Variants in TATDN2 observed in about 807,000 individuals in gnomAD.
The protein encoded by TATDN2 is 3'-5' RNA nuclease TATDN2.
In TATDN2, 44 loss-of-function variants were observed where a neutral mutation model predicts 60.3. The observed-to-expected ratio is 0.73, with a 90% CI of 0.57 to 0.94. TATDN2 has a LOEUF of 0.94. TATDN2 is among the 40% of genes least tolerant of loss of function. The pLI is 0.00. For missense variants in TATDN2, 997 were observed against 948.0 expected (o/e 1.05, Z -0.68); for synonymous variants, 399 against 355.8 (o/e 1.12, Z -1.37).
chr3:10,259,763 G>T (rs1397276725), intron 2 of TATDN2, among the ~76,000 whole-genome samples: 2 of 152,194 alleles, frequency 1.3e-5, no homozygotes, highest in Non-Finnish European at 2.9e-5. Flanking sequence ...TTTACCCTTA[G>T]ATATGGGATT....
Position 10,248,990 on chromosome 3 carries a change from C to A in TATDN2, c.-84C>A. 2.0e-6 allele frequency: 1 copy of A among 489,190 alleles called. No homozygotes were observed. The highest frequency in any genetic ancestry group is 3.3e-6 in the Non-Finnish European group (1 of 306,262). 30.3% of individuals were successfully genotyped at this position (489,190 alleles called of 1,614,324 possible). On this transcript the variant is annotated 5_prime_UTR_variant, in exon 1 of 8. Transcript: ENST00000448281. ...CGGCAGCCTTTAGTCAATTTTGGAT[C>A]GCTTTGACTTCTCCAACACGGTTTG...
At chr3:10,267,806 G>C (rs935813869) in intron 3 of TATDN2, among the ~76,000 whole-genome samples, 3 of 152,054 alleles carry the variant, frequency 2.0e-5, no homozygotes, top group Admixed American at 6.6e-5. Flanking sequence ...ATGTGTTACT[G>C]TATATGATAA....
Position 10,280,029 on chromosome 3 carries a change from G to C in TATDN2, c.*847G>C, listed in dbSNP as rs1348707741. 3.9e-5 allele frequency: 6 copies of C among 153,976 alleles called. No individual in the cohort carries two copies. The highest frequency in any genetic ancestry group is 4.1e-4 in the South Asian group (2 of 4,824). The allele number at this position is 153,976 out of a possible 1,614,324, so 9.5% of individuals were successfully genotyped here. A position where few individuals can be genotyped will look rare whatever the true frequency, so the allele number is the denominator to read the frequency against. On this transcript the variant is annotated 3_prime_UTR_variant, in exon 8 of 8. Transcript: ENST00000448281. ...ACTACCTGCTAGTCTTGTGTCAGGG[G>C]CTGCCAGCCTCCTTTTGTTTCACTT...
rs554236315 is a variant in TATDN2, at chr3:10,271,934, T to C, written c.1833+919T>C. Among the ~76,000 whole-genome samples, 84 of 151,230 alleles carry C rather than the reference T, an allele frequency of 5.6e-4. 1 individual carries two copies. In the South Asian group the frequency reaches 0.013, roughly 24 times the overall value. On this transcript the variant is annotated intron_variant, in intron 4 of 7. Transcript: ENST00000448281. ...AGTAGAGGTGGGGTTTCACCATGTT[T>C]GTTAGACTAGTCTCGAGCTCCTGAC...
At chr3:10,273,628 G>C (rs1177298679) in intron 4 of TATDN2, among the ~76,000 whole-genome samples, 1 of 151,656 alleles carries the variant, frequency 6.6e-6, no homozygotes, top group Non-Finnish European at 1.5e-5. Flanking sequence ...TGGAAGGTCT[G>C]TATCTGGGCA....
chr3:10,266,992 T>G (rs977384007), intron 3 of TATDN2, among the ~76,000 whole-genome samples: 18 of 147,898 alleles, frequency 1.2e-4, no homozygotes, highest in Non-Finnish European at 1.5e-4. Context: ...GTACAGTGGC[T>G]CACTGCAACT....
At chr3:10,272,691 A>C (rs1482652555) in intron 4 of TATDN2, among the ~76,000 whole-genome samples, 1 of 151,994 alleles carries the variant, frequency 6.6e-6, no homozygotes, top group Non-Finnish European at 1.5e-5. Flanking sequence ...GGAGTTGGAG[A>C]CCAGCCTGGC....
Position 10,278,813 on chromosome 3 carries a change from C to CAGGG in TATDN2, c.2146-65_2146-62dup. Reference sequence around the variant, plus strand: ...AAAGAGGTCCTTGCTGGGGAAGGGACAGGGAGGGAGTTCTAGATTATGACT... The same window carrying CAGGG: ...AAAGAGGTCCTTGCTGGGGAAGGGACAGGGAGGGAGGGAGTTCTAGATTATGACT... On this transcript the variant is annotated intron_variant, in intron 6 of 7. Coordinates refer to ENST00000448281, the MANE Select transcript of TATDN2 (RefSeq NM_014760.4). The surrounding 1 kb of genome is among the most constrained non-coding windows in gnomAD (Gnocchi z 4.7). 1 of 1,608,886 alleles carries CAGGG rather than the reference C, an allele frequency of 6.2e-7. No homozygotes were observed. Among genetic ancestry groups the CAGGG allele is most frequent in the African/African-American group, 1.3e-5 (1 of 74,980 alleles).
At position 10,278,382 on chromosome 3, in the gene TATDN2, G is replaced by C; in HGVS notation, c.2065G>C (p.Glu689Gln). ...AGTGCTGACATACTCCTCTGCCTGG[G>C]AGGCCCGGGAAGCCTTGAGGCAGAT... ...TAVLTYSSAW[E>Q]AREALRQIPL... The change falls in exon 6 of 8, where the codon GAG becomes CAG. Residue 689 changes from glutamate to glutamine, a missense_variant. Transcript: ENST00000448281. The surrounding 1 kb of genome is among the most constrained non-coding windows in gnomAD (Gnocchi z 4.7). 6.2e-7 allele frequency: 1 copy of C among 1,614,206 alleles called. No homozygotes were observed. Among genetic ancestry groups the C allele is most frequent in the Non-Finnish European group, 8.5e-7 (1 of 1,180,018 alleles).
chr3:10,273,100 T>C (rs1698589998), intron 4 of TATDN2, among the ~76,000 whole-genome samples: 2 of 152,130 alleles, frequency 1.3e-5, no homozygotes, highest in Admixed American at 6.6e-5. Context: ...CAAACTGAAC[T>C]AGAAGCGATA....
chr3:10,268,727 C>T (rs1158813765), intron 3 of TATDN2, among the ~76,000 whole-genome samples: 1 of 152,146 alleles, frequency 6.6e-6, no homozygotes, highest in Admixed American at 6.5e-5. Context: ...TAAGTTGAGG[C>T]ACCATTTATT....
chr3:10,278,289 AC>A lies in TATDN2; in HGVS notation c.1974del (p.Gly659AlafsTer10), dbSNP rs1698667021. ...PDYKIHRHCF[T>X]GSYPVIEPLL... The stretch of plus-strand genomic sequence containing the variant: ...GAGTTCTGTCTCCAGGCATTGCTTC[AC>A]CGGCAGCTACCCGGTCATTGAGCCC... On this transcript the variant is annotated frameshift_variant, in exon 6 of 8. Coordinates refer to ENST00000448281, the MANE Select transcript of TATDN2 (RefSeq NM_014760.4). LOFTEE classifies it high-confidence loss of function. This position sits in a 1 kb window ranked among gnomAD's most constrained non-coding sequence, Gnocchi z 4.7. The A allele has an allele frequency of 6.2e-7, 1 of 1,613,430 alleles. No individual in the cohort carries two copies. The highest frequency in any genetic ancestry group is 1.7e-5 in the Admixed American group (1 of 59,936).
chr3:10,257,619 A>C (rs558716964), intron 2 of TATDN2, among the ~76,000 whole-genome samples: 2 of 149,986 alleles, frequency 1.3e-5, no homozygotes, highest in East Asian at 3.9e-4. Context: ...AAACAAAAAA[A>C]AAAAACAAAA....
At chr3:10,273,346 G>C (rs931807201) in intron 4 of TATDN2, among the ~76,000 whole-genome samples, 2 of 150,020 alleles carry the variant, frequency 1.3e-5, no homozygotes, top group African/African-American at 2.5e-5. Context: ...GTGAATGGTG[G>C]TGACTGGCAA....
Position 10,280,837 on chromosome 3 carries a change from T to C in TATDN2, c.*1655T>C, listed in dbSNP as rs2072578. On this transcript the variant is annotated 3_prime_UTR_variant, in exon 8 of 8. Transcript: ENST00000448281. ...GGACTGCCGAGCATATCAAAGTGTT[T>C]ATAGTCACCAAGTGAACTGCAGCAC... 13,371 of 153,754 alleles carry C rather than the reference T, an allele frequency of 0.087. 814 individuals carry two copies. Among genetic ancestry groups the C allele is most frequent in the East Asian group, 0.26 (1,367 of 5,162 alleles). 9.5% of individuals were successfully genotyped at this position (153,754 alleles called of 1,614,324 possible).
intron 4 of TATDN2, among the ~76,000 whole-genome samples, chr3:10,272,469 A>G (rs168529): frequency 0.59 from 85,453 of 146,002 alleles, 25,485 homozygotes; most frequent in East Asian, 0.98. Flanking sequence ...GCAGAGTTTC[A>G]CTCTTGTTGG....
At chr3:10,258,163 G>A (rs1367250997) in intron 2 of TATDN2, among the ~76,000 whole-genome samples, 1 of 151,510 alleles carries the variant, frequency 6.6e-6, no homozygotes, top group African/African-American at 2.4e-5. Context: ...ATTGTTTTAA[G>A]TTTTATTTTC....
intron 5 of TATDN2, 137 bp downstream of exon 5, chr3:10,276,625 G>T (rs1698642185): frequency 8.7e-6 from 11 of 1,267,266 alleles, no homozygotes; most frequent in Non-Finnish European, 1.1e-5. Flanking sequence ...ATCTCACCCT[G>T]TCGCCCAGGC....
chr3:10,257,899 A>C (rs781311376), intron 2 of TATDN2, among the ~76,000 whole-genome samples: 119 of 93,166 alleles, frequency 1.3e-3, no homozygotes, highest in Non-Finnish European at 2.1e-3. Flanking sequence ...CTTACTCTGT[A>C]GCCCAGGCTG....
Sources: allele counts gnomAD v4.1 joint callset (sites outside exome capture counted in the v4.1 genomes callset), GRCh38; gene constraint gnomAD v4.1.1; non-coding constraint Gnocchi (gnomAD v3.1); transcripts MANE v1.5; gene names NCBI Gene and HGNC (gene_info 2026-07-23, HGNC 2026-07-21).